The following ITGA6 variants were observed in gnomAD, a reference collection of about 807,000 sequenced individuals.
ITGA6 encodes integrin alpha-6.
A neutral mutation model predicts 133.6 loss-of-function variants in ITGA6; 63 were observed. That is an observed-to-expected ratio of 0.47 (90% CI 0.38 to 0.58). The LOEUF (loss-of-function observed/expected upper bound fraction) is 0.58. Among genes scored for constraint, ITGA6 ranks in the 20% least tolerant of loss-of-function variants. The pLI, the probability that ITGA6 is intolerant of heterozygous loss-of-function variation, is 0.00. For missense variants in ITGA6, 1,068 were observed against 1,309.4 expected, an observed-to-expected ratio of 0.82 and a Z score of 2.85; for synonymous variants, 434 against 482.0, an observed-to-expected ratio of 0.90 and a Z score of 1.30.
chr2:172,475,735 T>C, intron 8 of ITGA6, 50 bp downstream of exon 8: 1 of 965,466 alleles, frequency 1.0e-6, no homozygotes, highest in Non-Finnish European at 1.7e-6. Flanking sequence ...CTTTTTGCCC[T>C]ATAATAAAAT....
Position 172,469,147 on chromosome 2 carries a change from A to T in ITGA6, c.410A>T (p.Lys137Ile). The change falls in exon 4 of 26, where the codon AAA becomes ATA. Residue 137 changes from lysine to isoleucine, a missense_variant. Lys to Ile is a moderately radical substitution (Grantham distance 102). Coordinates refer to ENST00000684293, the MANE Select transcript of ITGA6 (RefSeq NM_000210.4). ...CAGACATGTGCTCACCGATATGAAA[A>T]AAGGCAGCATGTTAATACGAAGCAG... ...KVVTCAHRYE[K>I]RQHVNTKQES... 6.2e-7 allele frequency: 1 copy of T among 1,614,172 alleles called. No individual in the cohort carries two copies. Among genetic ancestry groups the T allele is most frequent in the Non-Finnish European group, 8.5e-7 (1 of 1,180,018 alleles).
intron 1 of ITGA6, among the ~76,000 whole-genome samples, chr2:172,446,111 CTGT>C (rs1483991343): frequency 6.6e-6 from 1 of 152,192 alleles, no homozygotes; most frequent in African/African-American, 2.4e-5. Context: ...GCTACTAAGC[CTGT>C]TGTTTCATTT....
At chr2:172,442,722 T>C (rs1363288317) in intron 1 of ITGA6, among the ~76,000 whole-genome samples, 1 of 152,214 alleles carries the variant, frequency 6.6e-6, no homozygotes, top group African/African-American at 2.4e-5. Flanking sequence ...GGTACGTGTT[T>C]GTGAGCTTGC....
intron 4 of ITGA6, 38 bp downstream of exon 4, chr2:172,469,418 C>T: frequency 7.3e-7 from 1 of 1,371,244 alleles, no homozygotes; most frequent in Non-Finnish European, 9.9e-7. Context: ...AGATTAGTTC[C>T]CCTAATTTCT....
At chr2:172,465,870 C>T (rs756155690) in intron 2 of ITGA6, 61 of 723,838 alleles carry the variant, frequency 8.4e-5, no homozygotes, top group Non-Finnish European at 1.3e-4. Flanking sequence ...GCTGCTCCTC[C>T]TAACCGTGGT....
At chr2:172,501,706 A>T (rs1274055333) in intron 24 of ITGA6, 66 bp from the exon 25 acceptor site, 1 of 1,528,574 alleles carries the variant, frequency 6.5e-7, no homozygotes, top group Non-Finnish European at 9.0e-7. Context: ...AAAATTTGAG[A>T]TGTTCTGTTG....
intron 1 of ITGA6, among the ~76,000 whole-genome samples, chr2:172,437,611 T>C (rs538427850): frequency 4.6e-4 from 70 of 152,260 alleles, no homozygotes; most frequent in African/African-American, 1.6e-3. Flanking sequence ...AAGTGAGTTA[T>C]TTAGGCAGTT....
intron 1 of ITGA6, 169 bp from the exon 2 acceptor site, chr2:172,465,370 A>T (rs564190800): frequency 5.0e-6 from 4 of 804,240 alleles, no homozygotes; most frequent in South Asian, 1.5e-5. Flanking sequence ...TGCGTTTTGC[A>T]TGAACCAGCC....
At chr2:172,472,185 G>T (rs893051430) in intron 5 of ITGA6, among the ~76,000 whole-genome samples, 1 of 152,178 alleles carries the variant, frequency 6.6e-6, no homozygotes, top group African/African-American at 2.4e-5. Context: ...TTAGCCAGGC[G>T]TGGTGGTACA....
intron 11 of ITGA6, chr2:172,481,118 A>G (rs1161992746): frequency 6.6e-6 from 1 of 152,184 alleles, no homozygotes; most frequent in African/African-American, 2.4e-5. Flanking sequence ...TCTGCCACCA[A>G]GGGACACTTT....
intron 13 of ITGA6, among the ~76,000 whole-genome samples, chr2:172,485,926 C>T (rs1686645485): frequency 6.6e-6 from 1 of 152,110 alleles, no homozygotes; most frequent in Admixed American, 6.5e-5. Context: ...CCTGTAATCC[C>T]AGAACTTCGG....
At chr2:172,471,668 C>T (rs566158269) in intron 5 of ITGA6, among the ~76,000 whole-genome samples, 17 of 152,264 alleles carry the variant, frequency 1.1e-4, no homozygotes, top group African/African-American at 4.1e-4. Flanking sequence ...AGCAGGACTG[C>T]TAAAACGGCT....
chr2:172,462,049 A>G (rs1466259430), intron 1 of ITGA6, among the ~76,000 whole-genome samples: 1 of 152,212 alleles, frequency 6.6e-6, no homozygotes, highest in African/African-American at 2.4e-5. Flanking sequence ...TTGTTTCCCA[A>G]ACCAGGGAGG....
chr2:172,485,996 G>GT (rs1686648299), intron 13 of ITGA6, among the ~76,000 whole-genome samples: 1 of 152,086 alleles, frequency 6.6e-6, no homozygotes, highest in Non-Finnish European at 1.5e-5. Context: ...GGCCAACATG[G>GT]TGAAACCCCG....
chr2:172,491,178 C>A lies in ITGA6; in HGVS notation c.2779-43C>A. The stretch of plus-strand genomic sequence containing the variant: ...GAGAGGATGAGGGGAAGGATTTCTT[C>A]AGAACAATGTCTTTTGATGACCATT... On this transcript the variant is annotated intron_variant, in intron 21 of 25. Coordinates refer to ENST00000684293, the MANE Select transcript of ITGA6 (RefSeq NM_000210.4). This position sits in a 1 kb window ranked among gnomAD's most constrained non-coding sequence, Gnocchi z 4.4. 1.4e-6 allele frequency: 2 copies of A among 1,438,280 alleles called. No homozygotes were observed. The highest frequency in any genetic ancestry group is 9.8e-7 in the Non-Finnish European group (1 of 1,019,586). 89.1% of individuals were successfully genotyped at this position (1,438,280 alleles called of 1,614,324 possible). A position where few individuals can be genotyped will look rare whatever the true frequency, so the allele number is the denominator to read the frequency against.
At chr2:172,428,725 T>C (rs1683984803) in intron 1 of ITGA6, 2 of 152,088 alleles carry the variant, frequency 1.3e-5, no homozygotes, top group South Asian at 2.1e-4. Flanking sequence ...TAAAGCAAAA[T>C]GTCCGATCTG....
chr2:172,474,077 A>C lies in ITGA6; in HGVS notation c.798A>C (p.Lys266Asn). The change falls in exon 6 of 26, where the codon AAA becomes AAC. Residue 266 changes from lysine (K) to asparagine (N), a missense_variant. Coordinates refer to ENST00000684293, the MANE Select transcript of ITGA6 (RefSeq NM_000210.4). ...TAGGTTTTTCTTTGGACTCAGGGAA[A>C]GGTATTGTTTCTAAAGATGAGATCA... is the stretch of plus-strand genomic sequence containing the variant. Reference protein sequence around the residue: ...SYLGFSLDSGKGIVSKDEITF... With the variant: ...SYLGFSLDSGNGIVSKDEITF... The C allele has an allele frequency of 6.2e-7, 1 of 1,613,252 alleles. No individual in the cohort carries two copies. Among genetic ancestry groups the C allele is most frequent in the East Asian group, 2.2e-5 (1 of 44,880 alleles).
chr2:172,466,020 T>C, intron 2 of ITGA6: 1 of 356,800 alleles, frequency 2.8e-6, no homozygotes, highest in South Asian at 2.5e-5. Context: ...AGTTCTCACA[T>C]GCTGTTAAAA....
At chr2:172,466,337 G>A (rs1197775492) in intron 2 of ITGA6, among the ~76,000 whole-genome samples, 1 of 152,104 alleles carries the variant, frequency 6.6e-6, no homozygotes, top group Non-Finnish European at 1.5e-5. Flanking sequence ...AACATTTGTT[G>A]GCCAGGCGTC....
Sources: allele counts gnomAD v4.1 joint callset (sites outside exome capture counted in the v4.1 genomes callset), GRCh38; gene constraint gnomAD v4.1.1; non-coding constraint Gnocchi (gnomAD v3.1); transcripts MANE v1.5; gene names NCBI Gene and HGNC (gene_info 2026-07-23, HGNC 2026-07-21).